POLD3: variants seen among roughly 807,000 people sequenced by gnomAD.
The protein encoded by POLD3 is DNA polymerase delta 3, accessory subunit.
In POLD3, 19 loss-of-function variants were observed where a neutral mutation model predicts 58.2. The ratio of observed to expected loss-of-function variants is 0.33; its 90% CI spans 0.23 to 0.48. The LOEUF (loss-of-function observed/expected upper bound fraction) is 0.48. Among genes scored for constraint, POLD3 ranks in the 20% least tolerant of loss-of-function variants. The probability of loss-of-function intolerance (pLI) is 0.99; values close to 1 mark genes in which losing one functional copy is unlikely to be tolerated. For synonymous variants in POLD3, 172 were observed against 193.5 expected (o/e 0.89, Z 0.92); for missense variants, 504 against 545.5 (o/e 0.92, Z 0.76).
At chr11:74,612,535 G>C (rs1376902879) in intron 4 of POLD3, among the ~76,000 whole-genome samples, 1 of 152,126 alleles carries the variant, frequency 6.6e-6, no homozygotes, top group Non-Finnish European at 1.5e-5. Flanking sequence ...AAATTACTTA[G>C]TACTCTTTAA....
At chr11:74,620,884 A>G (rs1310117575) in intron 7 of POLD3, among the ~76,000 whole-genome samples, 1 of 151,224 alleles carries the variant, frequency 6.6e-6, no homozygotes, top group Non-Finnish European at 1.5e-5. Context: ...CTGCCTTTCC[A>G]TGATGGCTAA....
intron 5 of POLD3, among the ~76,000 whole-genome samples, chr11:74,618,003 G>C (rs2032132469): frequency 6.6e-6 from 1 of 152,224 alleles, no homozygotes; most frequent in Admixed American, 6.5e-5. Flanking sequence ...ACAAGCGTGA[G>C]CCAATGCGCC....
At chr11:74,594,279 C>T (rs2031145111) in intron 2 of POLD3, among the ~76,000 whole-genome samples, 163 bp downstream of exon 2, 1 of 152,138 alleles carries the variant, frequency 6.6e-6, no homozygotes, top group Non-Finnish European at 1.5e-5. Flanking sequence ...CCAATCTCTG[C>T]CTTCATTGTC....
At chr11:74,627,009 A>G (rs10899021) in intron 8 of POLD3, among the ~76,000 whole-genome samples, 18,882 of 152,200 alleles carry the variant, frequency 0.12, 1,484 homozygotes, top group African/African-American at 0.22. Flanking sequence ...CTATGCTACT[A>G]TAATTACTGC....
intron 9 of POLD3, among the ~76,000 whole-genome samples, chr11:74,634,090 G>T (rs1314685576): frequency 6.6e-6 from 1 of 152,154 alleles, no homozygotes; most frequent in Non-Finnish European, 1.5e-5. Flanking sequence ...TCAATGGTAA[G>T]GCGGCATGGG....
chr11:74,629,598 T>A (rs2032532648), intron 9 of POLD3, among the ~76,000 whole-genome samples: 1 of 151,552 alleles, frequency 6.6e-6, no homozygotes, highest in South Asian at 2.1e-4. Flanking sequence ...TTTTTTTTTT[T>A]ACTTTTAAGG....
intron 4 of POLD3, among the ~76,000 whole-genome samples, chr11:74,656,844 T>C (rs1380677200): frequency 6.6e-6 from 1 of 152,072 alleles, no homozygotes; most frequent in Non-Finnish European, 1.5e-5. Context: ...ATATGTATTC[T>C]GGAGCCATTG....
chr11:74,618,849 G>T, intron 6 of POLD3, 45 bp downstream of exon 6: 1 of 1,521,736 alleles, frequency 6.6e-7, no homozygotes, highest in African/African-American at 1.4e-5. Context: ...CTCAGAGTGG[G>T]TAACTAGAAA....
intron 9 of POLD3, 95 bp downstream of exon 9, chr11:74,629,418 G>A (rs1216893400): frequency 1.2e-5 from 8 of 662,768 alleles, no homozygotes; most frequent in East Asian, 2.9e-5. Flanking sequence ...CACAATGAGA[G>A]TAGTAATTCT....
chr11:74,594,358 A>C (rs2031149013), intron 2 of POLD3, among the ~76,000 whole-genome samples: 1 of 152,184 alleles, frequency 6.6e-6, no homozygotes, highest in Admixed American at 6.5e-5. Context: ...ATACTGAATT[A>C]CGAATCCACC....
chr11:74,627,105 A>T (rs2032453283), intron 8 of POLD3, among the ~76,000 whole-genome samples: 1 of 152,160 alleles, frequency 6.6e-6, no homozygotes, highest in African/African-American at 2.4e-5. Context: ...CCCTTAGGAG[A>T]TATTTCAAAA....
chr11:74,636,317 T>C, intron 11 of POLD3, 42 bp downstream of exon 11: 1 of 1,596,744 alleles, frequency 6.3e-7, no homozygotes, highest in South Asian at 1.1e-5. Context: ...ATAGAATCTC[T>C]TATTACCACA....
intron 3 of POLD3, among the ~76,000 whole-genome samples, chr11:74,607,781 C>G (rs1480677128): frequency 6.6e-6 from 1 of 151,504 alleles, no homozygotes; most frequent in Non-Finnish European, 1.5e-5. Context: ...GGGGTTTTGT[C>G]CTGTTGCCCA....
intron 2 of POLD3, among the ~76,000 whole-genome samples, chr11:74,601,130 T>G (rs1287105725): frequency 6.6e-6 from 1 of 152,196 alleles, no homozygotes; most frequent in Non-Finnish European, 1.5e-5. Context: ...TGACTGATGA[T>G]ATGGGCAGGA....
intron 2 of POLD3, among the ~76,000 whole-genome samples, chr11:74,601,951 A>G (rs2031514121): frequency 6.6e-6 from 1 of 152,338 alleles, no homozygotes; most frequent in African/African-American, 2.4e-5. Context: ...AGAGAATTGT[A>G]GAATGTTTCA....
chr11:74,596,694 G>A (rs1319244857), intron 2 of POLD3, among the ~76,000 whole-genome samples: 3 of 152,050 alleles, frequency 2.0e-5, no homozygotes, highest in African/African-American at 7.2e-5. Context: ...ATGCTATACA[G>A]TAGAGCTCTT....
intron 11 of POLD3, chr11:74,638,658 G>T (rs796647126): frequency 3.7e-5 from 17 of 455,934 alleles, no homozygotes; most frequent in African/African-American, 3.2e-4. Flanking sequence ...GTGTTCTGGG[G>T]TCTAATTGCT....
In POLD3 at chr11:74,641,560, T is replaced by A; in HGVS notation, c.*794T>A. On this transcript the variant is annotated 3_prime_UTR_variant, in exon 12 of 12. Transcript: ENST00000263681. ...CGTGCTGCTGATACGGGGTGTGCTT[T>A]ATGCTGCTCTTTGCGGTTTGTTGAT... 1 of 985,460 alleles carries A rather than the reference T, an allele frequency of 1.0e-6. No individual in the cohort carries two copies. The highest frequency in any genetic ancestry group is 1.2e-6 in the Non-Finnish European group (1 of 829,952). The allele number at this position is 985,460 out of a possible 1,614,324, so 61.0% of individuals were successfully genotyped here. A position where few individuals can be genotyped will look rare whatever the true frequency, so the allele number is the denominator to read the frequency against.
intron 7 of POLD3, among the ~76,000 whole-genome samples, chr11:74,623,624 A>G (rs750702914): frequency 2.0e-5 from 3 of 152,178 alleles, no homozygotes; most frequent in Non-Finnish European, 4.4e-5. Context: ...TGTGAATTAT[A>G]TCTCAATTTT....
Sources: allele counts gnomAD v4.1 joint callset (sites outside exome capture counted in the v4.1 genomes callset), GRCh38; gene constraint gnomAD v4.1.1; transcripts MANE v1.5; gene names NCBI Gene and HGNC (gene_info 2026-07-23, HGNC 2026-07-21).